The following TSG101 variants were observed in gnomAD, a reference collection of about 807,000 sequenced individuals.
The protein encoded by TSG101 is tumor susceptibility 101.
A neutral mutation model predicts 48.5 loss-of-function variants in TSG101; 19 were observed. The ratio of observed to expected loss-of-function variants is 0.39; its 90% CI spans 0.27 to 0.58. The LOEUF is 0.58. Ranked by LOEUF, TSG101 falls within the 20% of genes least tolerant of loss-of-function variation. TSG101 has a pLI of 0.55. For missense variants in TSG101, 365 were observed against 484.4 expected, an observed-to-expected ratio of 0.75 and a Z score of 2.31; for synonymous variants, 174 against 169.4, an observed-to-expected ratio of 1.03 and a Z score of -0.21.
chr11:18,504,931 A>G (rs1388851551), intron 6 of TSG101, among the ~76,000 whole-genome samples: 1 of 152,218 alleles, frequency 6.6e-6, no homozygotes, highest in Admixed American at 6.5e-5. Context: ...ATTACTACCA[A>G]AGGAATCTTT....
intron 7 of TSG101, among the ~76,000 whole-genome samples, chr11:18,494,765 G>C (rs902626281): frequency 1.3e-5 from 2 of 152,076 alleles, no homozygotes; most frequent in Non-Finnish European, 2.9e-5. Flanking sequence ...AAACCCACAT[G>C]GGCTGGGTGC....
At chr11:18,518,646 T>C (rs1383051853) in intron 2 of TSG101, among the ~76,000 whole-genome samples, 1 of 152,186 alleles carries the variant, frequency 6.6e-6, no homozygotes, top group Non-Finnish European at 1.5e-5. Flanking sequence ...ATCTATAAAA[T>C]GAAAGGGACA....
Position 18,496,505 on chromosome 11 carries a change from A to C in TSG101, c.640+5981T>G, listed in dbSNP as rs1342057108. On this transcript the variant is annotated intron_variant, in intron 7 of 9. Coordinates refer to ENST00000251968, the MANE Select transcript of TSG101 (RefSeq NM_006292.4). ...AATAAAATAAAATAAAATAAAATAA[A>C]ATAAATCTACAGAGTGAAACTGCTA... Among the ~76,000 whole-genome samples the C allele has an allele frequency of 1.4e-3, 196 of 135,790 alleles. 4 individuals are homozygous for C. Among genetic ancestry groups the C allele is most frequent in the African/African-American group, 4.4e-3 (165 of 37,742 alleles). 89.1% of individuals were successfully genotyped at this position (135,790 alleles called of 152,430 possible).
At chr11:18,483,020 C>G (rs1849565421) in intron 8 of TSG101, among the ~76,000 whole-genome samples, 1 of 142,254 alleles carries the variant, frequency 7.0e-6, no homozygotes, top group Non-Finnish European at 1.5e-5. Flanking sequence ...AGAAAGGGAC[C>G]TGTGTGCGTG....
intron 1 of TSG101, among the ~76,000 whole-genome samples, chr11:18,522,153 T>C (rs528224930): frequency 6.6e-6 from 1 of 152,262 alleles, no homozygotes; most frequent in East Asian, 1.9e-4. Context: ...ATTCCTTTGA[T>C]CTCCCTCATG....
At chr11:18,494,484 A>G (rs1009334112) in intron 7 of TSG101, among the ~76,000 whole-genome samples, 2 of 152,234 alleles carry the variant, frequency 1.3e-5, no homozygotes, top group African/African-American at 4.8e-5. Flanking sequence ...AACTTACACA[A>G]TAGCTTTTTT....
rs114658042 is a variant in TSG101 at position 18,524,792 on chromosome 11, T to C, written c.42+1983A>G. Among the ~76,000 whole-genome samples the C allele has an allele frequency of 4.1e-3, 623 of 152,310 alleles. 8 individuals are homozygous for C. Among genetic ancestry groups the C allele is most frequent in the African/African-American group, 0.014 (586 of 41,564 alleles). On this transcript the variant is annotated intron_variant, in intron 1 of 9. Transcript: ENST00000251968. ...ATATCTTCTGAACATGCCTTGCCTT[T>C]GTCTTTGATGGCAGGTTTCTCTAGG...
At chr11:18,499,395 T>A (rs1259169657) in intron 7 of TSG101, among the ~76,000 whole-genome samples, 1 of 10,412 alleles carries the variant, frequency 9.6e-5, no homozygotes, top group Non-Finnish European at 1.8e-4. Context: ...TATATATATA[T>A]ATATATATTT....
intron 7 of TSG101, chr11:18,490,747 CCT>C (rs1394494586): frequency 8.3e-6 from 4 of 483,370 alleles, no homozygotes; most frequent in South Asian, 1.8e-5. Context: ...GTTTCTCATT[CCT>C]CTGTTTTCTG....
chr11:18,519,175 A>G (rs1011490104), intron 2 of TSG101, among the ~76,000 whole-genome samples: 16 of 151,558 alleles, frequency 1.1e-4, no homozygotes, highest in African/African-American at 3.2e-4. Context: ...GCCAACTTTA[A>G]GTATTTTTTT....
At chr11:18,515,349 A>G (rs148017410) in intron 3 of TSG101, among the ~76,000 whole-genome samples, 4 of 152,324 alleles carry the variant, frequency 2.6e-5, no homozygotes, top group African/African-American at 9.6e-5. Flanking sequence ...AATAGCAGGT[A>G]CTATGTGAAA....
intron 7 of TSG101, among the ~76,000 whole-genome samples, chr11:18,493,285 T>G (rs1286835398): frequency 6.6e-6 from 1 of 152,204 alleles, no homozygotes; most frequent in East Asian, 1.9e-4. Flanking sequence ...CTACACTCAA[T>G]GGACCCAAAA....
chr11:18,486,578 A>C (rs1849624292), intron 7 of TSG101, among the ~76,000 whole-genome samples: 1 of 152,130 alleles, frequency 6.6e-6, no homozygotes, highest in Non-Finnish European at 1.5e-5. Context: ...ATACCATCTC[A>C]CACCAGTTAG....
intron 4 of TSG101, among the ~76,000 whole-genome samples, chr11:18,512,723 A>AT (rs776263228): frequency 0.13 from 15,194 of 120,172 alleles, 1,199 homozygotes; most frequent in Middle Eastern, 0.18. Flanking sequence ...GGACAGACAG[A>AT]TTTTTTTTTT....
In TSG101 at chr11:18,495,923, CA is replaced by C. The variant is rs36092798; in HGVS notation, c.640+6562del. 7.5e-3 allele frequency among the ~76,000 whole-genome samples: 790 copies of C among 105,754 alleles called. 4 individuals carry two copies. The highest frequency in any genetic ancestry group is 0.019 in the African/African-American group (551 of 28,816). The allele number at this position is 105,754 out of a possible 152,430, so 69.4% of individuals were successfully genotyped here. ...TGGGCAACAGAGTGAGACTCCGTCT[CA>C]AAAAAAAAAAAAAAGTACTCTACAG... is the stretch of plus-strand genomic sequence containing the variant. On this transcript the variant is annotated intron_variant, in intron 7 of 9. Transcript: ENST00000251968.
At chr11:18,512,434 T>G (rs949953571) in intron 4 of TSG101, among the ~76,000 whole-genome samples, 35 of 152,304 alleles carry the variant, frequency 2.3e-4, no homozygotes, top group African/African-American at 8.4e-4. Context: ...TTTACCATCT[T>G]GTCCTCTATT....
intron 7 of TSG101, chr11:18,490,312 G>T: frequency 1.7e-6 from 1 of 587,868 alleles, no homozygotes; most frequent in Non-Finnish European, 3.3e-6. Context: ...CCAAGTAATT[G>T]CATGATCAGA....
intron 7 of TSG101, among the ~76,000 whole-genome samples, chr11:18,492,214 T>C (rs1849708837): frequency 2.0e-5 from 3 of 152,250 alleles, no homozygotes; most frequent in African/African-American, 7.2e-5. Flanking sequence ...ATTATGATGG[T>C]TCTTGTGAGA....
chr11:18,507,008 C>A, intron 5 of TSG101, 85 bp from the exon 6 acceptor site: 2 of 1,006,094 alleles, frequency 2.0e-6, no homozygotes, highest in Non-Finnish European at 2.9e-6. Flanking sequence ...ATCACACTGT[C>A]AATACACAGC....
Sources: gnomAD v4.1 joint callset for allele counts (sites outside exome capture counted in the v4.1 genomes callset) on GRCh38, gnomAD v4.1.1 for gene constraint, MANE v1.5 for transcripts, NCBI Gene and HGNC (gene_info 2026-07-23, HGNC 2026-07-21) for gene names.